CFAP57: variants seen among roughly 807,000 people sequenced by gnomAD.
The protein encoded by CFAP57 is cilia- and flagella-associated protein 57.
In CFAP57, 116 loss-of-function variants were observed where a neutral mutation model predicts 146.8. That is an observed-to-expected ratio of 0.79 (90% CI 0.68 to 0.92). CFAP57 has a LOEUF of 0.92. Among genes scored for constraint, CFAP57 ranks in the 40% least tolerant of loss-of-function variants. CFAP57 has a pLI of 0.00. For missense variants in CFAP57, 1,377 were observed against 1,527.2 expected, an observed-to-expected ratio of 0.90 and a Z score of 1.64; for synonymous variants, 518 against 552.8, an observed-to-expected ratio of 0.94 and a Z score of 0.88.
intron 6 of CFAP57, among the ~76,000 whole-genome samples, 175 bp from the exon 7 acceptor site, chr1:43,197,378 A>G: frequency 6.6e-6 from 1 of 152,262 alleles, no homozygotes; most frequent in South Asian, 2.1e-4. Flanking sequence ...AAAATAAAAT[A>G]AAAAATAATA....
At chr1:43,205,365 A>C (rs1382886484) in intron 9 of CFAP57, among the ~76,000 whole-genome samples, 2 of 152,124 alleles carry the variant, frequency 1.3e-5, no homozygotes, top group African/African-American at 4.8e-5. Context: ...TTAGCACCTG[A>C]CTTTCCCACA....
chr1:43,206,466 C>T, intron 9 of CFAP57: 2 of 507,582 alleles, frequency 3.9e-6, no homozygotes, highest in Non-Finnish European at 7.1e-6. Flanking sequence ...CTTAAGAAAC[C>T]TGTAGGATTC....
chr1:43,177,697 T>G (rs1645226718), intron 2 of CFAP57, among the ~76,000 whole-genome samples: 1 of 152,224 alleles, frequency 6.6e-6, no homozygotes, highest in Admixed American at 6.5e-5. Context: ...GAAACTGTTC[T>G]GCCCCAGATC....
In CFAP57 at chr1:43,209,749, C is replaced by T. The variant is rs369556067; in HGVS notation, c.1762C>T (p.Arg588Ter). Residue 588 changes from arginine (R) to a stop codon, truncating the protein, a stop_gained, in exon 11 of 23, where the codon CGA (arginine) becomes TGA (stop). Transcript: ENST00000372492. LOFTEE classifies it high-confidence loss of function. ...AGAGCTGCCTGTGTCTCAGATCCTT[C>T]GAGAGATATCGGCGTTTGATGTCAC... is the stretch of plus-strand genomic sequence containing the variant. ...LKEIADSLILREISAFDVTYT... is the reference protein window; with the variant it reads ...LKEIADSLIL The T allele has an allele frequency of 3.7e-6, 6 of 1,613,828 alleles. No individual in the cohort carries two copies. The highest frequency in any genetic ancestry group is 2.7e-5 in the African/African-American group (2 of 74,922).
chr1:43,194,736 G>A (rs970035436), intron 6 of CFAP57: 2 of 151,932 alleles, frequency 1.3e-5, no homozygotes, highest in Non-Finnish European at 2.9e-5. Context: ...CACCTCTAGT[G>A]GATTTTTCAT....
intron 12 of CFAP57, 57 bp downstream of exon 12, chr1:43,215,473 A>T: frequency 1.3e-6 from 2 of 1,521,432 alleles, no homozygotes; most frequent in East Asian, 2.5e-5. Flanking sequence ...CTGCATTCAG[A>T]TGCAGGTCCA....
Position 43,221,365 on chromosome 1 carries a change from G to C in CFAP57, c.2248-7G>C. ...TGTGTAAATGAGGAAATGTGACTCT[G>C]TTTTAGGTCTTAAGAACAGAAAAAG... On this transcript the variant is annotated splice_region_variant and splice_polypyrimidine_tract_variant and intron_variant, in intron 13 of 22. Coordinates refer to ENST00000372492, the MANE Select transcript of CFAP57 (RefSeq NM_001378189.1). The C allele has an allele frequency of 1.9e-6, 3 of 1,539,978 alleles. No homozygotes were observed. Among genetic ancestry groups the C allele is most frequent in the Non-Finnish European group, 1.8e-6 (2 of 1,141,232 alleles).
intron 6 of CFAP57, among the ~76,000 whole-genome samples, chr1:43,188,723 T>G (rs1643307719): frequency 1.3e-5 from 2 of 149,778 alleles, no homozygotes; most frequent in Non-Finnish European, 2.9e-5. Flanking sequence ...GGTTGTCTTT[T>G]CACTTTTTTG....
intron 22 of CFAP57, among the ~76,000 whole-genome samples, chr1:43,253,202 A>C (rs1408294203): frequency 6.6e-6 from 1 of 152,182 alleles, no homozygotes; most frequent in East Asian, 1.9e-4. Context: ...AAAGGGAGTA[A>C]ATCTAAAAGG....
chr1:43,196,963 C>G (rs1363844757), intron 6 of CFAP57, among the ~76,000 whole-genome samples: 1 of 152,110 alleles, frequency 6.6e-6, no homozygotes, highest in Non-Finnish European at 1.5e-5. Context: ...AAATTGGAAG[C>G]CACTTAAATG....
chr1:43,246,880 C>G (rs1234656892), intron 22 of CFAP57, among the ~76,000 whole-genome samples: 1 of 152,130 alleles, frequency 6.6e-6, no homozygotes, highest in Non-Finnish European at 1.5e-5. Context: ...CTACTTAATC[C>G]AAGTGAATGT....
At chr1:43,230,914 C>T (rs895731685) in intron 18 of CFAP57, among the ~76,000 whole-genome samples, 9 of 152,310 alleles carry the variant, frequency 5.9e-5, no homozygotes, top group Admixed American at 1.3e-4. Context: ...ACAAGCTGGG[C>T]GGCCCTTTCT....
chr1:43,197,583 T>C lies in CFAP57; in HGVS notation c.1153T>C (p.Tyr385His). 1 of 1,614,190 alleles carries C rather than the reference T, an allele frequency of 6.2e-7. No homozygotes were observed. The highest frequency in any genetic ancestry group is 1.1e-5 in the South Asian group (1 of 91,086). ...GEPAHFEYLM[Y>H]PLHSAPITGL... Reference sequence around the variant, plus strand: ...GCCTGCTCACTTTGAGTATTTGATGTATCCATTGCACTCAGCACCCATCAC... The same window carrying C: ...GCCTGCTCACTTTGAGTATTTGATGCATCCATTGCACTCAGCACCCATCAC... Residue 385 changes from tyrosine (Y) to histidine (H), a missense_variant, in exon 7 of 23, where the codon TAT (tyrosine) becomes CAT (histidine). By Grantham distance (83) the Tyr-to-His change is moderately conservative (BLOSUM62 2). Coordinates refer to ENST00000372492, the MANE Select transcript of CFAP57 (RefSeq NM_001378189.1).
rs1330573921 is a variant in CFAP57, at chr1:43,254,047, C to A, written c.3609C>A (p.Ile1203=). 1 of 1,550,618 alleles carries A rather than the reference C, an allele frequency of 6.4e-7. No individual in the cohort carries two copies. Among genetic ancestry groups the A allele is most frequent in the South Asian group, 1.2e-5 (1 of 84,054 alleles). Residue 1203 remains isoleucine, a synonymous_variant, in exon 23 of 23, where the codon ATC becomes ATA. Coordinates refer to ENST00000372492, the MANE Select transcript of CFAP57 (RefSeq NM_001378189.1). ...RLNEQEETGR[I]IEMQRLEIQR... ...ATGAGCAAGAAGAAACTGGGAGGAT[C>A]ATTGAAATGCAGCGCCTAGAAATCC... is the stretch of plus-strand genomic sequence containing the variant.
chr1:43,241,465 G>T lies in CFAP57; in HGVS notation c.3406-1762G>T, dbSNP rs552791091. Among the ~76,000 whole-genome samples the T allele has an allele frequency of 3.9e-5, 6 of 152,110 alleles. No homozygotes were observed. In the South Asian group the frequency reaches 8.3e-4, roughly 21 times the overall value. On this transcript the variant is annotated intron_variant, in intron 21 of 22. Coordinates refer to ENST00000372492, the MANE Select transcript of CFAP57 (RefSeq NM_001378189.1). ...CCCTGCTCCCTTCTGGGTTCCACAG[G>T]TACCTCCCCACAGCAGAGGACCGTT...
rs913547597 is a variant in CFAP57 at position 43,234,376 on chromosome 1, G to A, written c.3224G>A (p.Arg1075Gln). ...CCGCGGCTGCTGAAGGAGAAGGTTC[G>A]AGGTCTCTTTGAGAAGTACGTGCAG... ...QEPRLLKEKV[R>Q]GLFEKYVQRA... Residue 1075 changes from arginine to glutamine, a missense_variant, in exon 20 of 23, where the codon CGA becomes CAA. Coordinates refer to ENST00000372492, the MANE Select transcript of CFAP57 (RefSeq NM_001378189.1). 1.3e-6 allele frequency: 2 copies of A among 1,550,400 alleles called. No individual in the cohort carries two copies. Among genetic ancestry groups the A allele is most frequent in the East Asian group, 2.4e-5 (1 of 40,914 alleles).
In CFAP57 at chr1:43,222,149, C is replaced by G. The variant is rs1330308522; in HGVS notation, c.2386C>G (p.Gln796Glu). ...GTTGCTTCTAGAATATGAGAAGTAC[C>G]AGGAGCTGCAGCTCAAGTCCCAGAG... ...QKLLLEYEKY[Q>E]ELQLKSQRMQ... Residue 796 changes from glutamine to glutamate, a missense_variant, in exon 15 of 23, where the codon CAG (glutamine) becomes GAG (glutamate). By Grantham distance (29) the Gln-to-Glu change is conservative. Transcript: ENST00000372492. The G allele has an allele frequency of 6.5e-7, 1 of 1,548,238 alleles. No individual in the cohort carries two copies. The highest frequency in any genetic ancestry group is 2.0e-5 in the Admixed American group (1 of 50,824).
intron 9 of CFAP57, among the ~76,000 whole-genome samples, chr1:43,203,306 A>C (rs945239461): frequency 1.3e-5 from 2 of 152,130 alleles, no homozygotes; most frequent in African/African-American, 4.8e-5. Flanking sequence ...CACTATCACT[A>C]ATCTTGAAAA....
Position 43,172,458 on chromosome 1 carries a change from G to C in CFAP57, c.-20+5G>C, listed in dbSNP as rs1034398289. The C allele has an allele frequency of 7.1e-6, 11 of 1,545,848 alleles. No individual in the cohort carries two copies. Among genetic ancestry groups the C allele is most frequent in the Non-Finnish European group, 8.7e-6 (10 of 1,143,430 alleles). ...TGACCCAGAGAGAAACGAAAGGTGGGAGGGGGTACCTGGGGGTCGCCAGAA... is the reference window on the plus strand; with the variant it reads ...TGACCCAGAGAGAAACGAAAGGTGGCAGGGGGTACCTGGGGGTCGCCAGAA... On this transcript the variant is annotated splice_donor_5th_base_variant and intron_variant, in intron 1 of 22. Transcript: ENST00000372492.
Sources: allele counts gnomAD v4.1 joint callset (sites outside exome capture counted in the v4.1 genomes callset), GRCh38; gene constraint gnomAD v4.1.1; transcripts MANE v1.5; gene names NCBI Gene and HGNC (gene_info 2026-07-23, HGNC 2026-07-21).